Variants in EPB41L3 observed in about 807,000 individuals in gnomAD.
The protein encoded by EPB41L3 is band 4.1-like protein 3.
A neutral mutation model predicts 127.1 loss-of-function variants in EPB41L3; 57 were observed. The ratio of observed to expected loss-of-function variants is 0.45; its 90% CI spans 0.36 to 0.56. The LOEUF is 0.56. EPB41L3 is among the 20% of genes least tolerant of loss of function. The pLI is 0.00. For missense variants in EPB41L3, 1,273 were observed against 1,372.2 expected, an observed-to-expected ratio of 0.93 and a Z score of 1.14; for synonymous variants, 572 against 549.5, an observed-to-expected ratio of 1.04 and a Z score of -0.57.
At chr18:5,523,092 T>G (rs149614580) in intron 1 of EPB41L3, among the ~76,000 whole-genome samples, 449 of 152,140 alleles carry the variant, frequency 3.0e-3, no homozygotes, top group African/African-American at 0.01. Flanking sequence ...AATGACTAAT[T>G]CCCATTAAAA....
intron 1 of EPB41L3, among the ~76,000 whole-genome samples, chr18:5,625,255 G>A (rs973865133): frequency 1.3e-5 from 2 of 152,088 alleles, no homozygotes; most frequent in African/African-American, 4.8e-5. Flanking sequence ...GAATGAGAGT[G>A]AGCTGGGATA....
chr18:5,610,373 A>G, intron 3 of EPB41L3: 9 of 868,440 alleles, frequency 1.0e-5, no homozygotes, highest in Non-Finnish European at 1.2e-5. Flanking sequence ...AGTTAAGGAG[A>G]AAGTTTCTGT....
chr18:5,497,009 C>T (rs1191828448), intron 1 of EPB41L3, among the ~76,000 whole-genome samples: 1 of 152,172 alleles, frequency 6.6e-6, no homozygotes. Flanking sequence ...GGGAAGGCTT[C>T]TCCAAGAAGG....
At chr18:5,625,859 T>C (rs1245388475) in intron 1 of EPB41L3, among the ~76,000 whole-genome samples, 3 of 152,194 alleles carry the variant, frequency 2.0e-5, no homozygotes, top group Non-Finnish European at 2.9e-5. Context: ...CAAGTTCTTA[T>C]TCACCCTTGT....
chr18:5,495,401 A>G (rs945649176), intron 1 of EPB41L3, among the ~76,000 whole-genome samples: 3 of 113,828 alleles, frequency 2.6e-5, no homozygotes, highest in African/African-American at 1.6e-4. Flanking sequence ...TGGAAACTTA[A>G]AAAAAAAAAA....
intron 3 of EPB41L3, chr18:5,466,512 C>G (rs2085019047): frequency 6.6e-6 from 1 of 152,268 alleles, no homozygotes; most frequent in African/African-American, 2.4e-5. Flanking sequence ...TTCCCTGAAC[C>G]TACTTCCACA....
intron 10 of EPB41L3, 108 bp from the exon 11 acceptor site, chr18:5,423,661 A>G: frequency 1.0e-6 from 1 of 969,798 alleles, no homozygotes; most frequent in Middle Eastern, 2.8e-4. Context: ...CTAAACATTT[A>G]ACGCACAACT....
At chr18:5,607,438 C>G (rs2143944431) in intron 3 of EPB41L3, among the ~76,000 whole-genome samples, 1 of 152,252 alleles carries the variant, frequency 6.6e-6, no homozygotes, top group Admixed American at 6.5e-5. Flanking sequence ...GACGAGCTGA[C>G]CAAGATAATT....
chr18:5,459,568 T>C (rs993192354), intron 3 of EPB41L3, among the ~76,000 whole-genome samples: 7 of 152,206 alleles, frequency 4.6e-5, no homozygotes, highest in African/African-American at 1.7e-4. Flanking sequence ...TATTTTTAAA[T>C]CTTTCATTAA....
chr18:5,566,410 C>T (rs1265022222), intron 3 of EPB41L3, among the ~76,000 whole-genome samples: 20 of 152,058 alleles, frequency 1.3e-4, no homozygotes, highest in Non-Finnish European at 2.4e-4. Flanking sequence ...ACAAGGGACG[C>T]GAAGGACCTC....
At chr18:5,629,378 T>C (rs114773424), upstream of EPB41L3, among the ~76,000 whole-genome samples, 1,694 of 151,138 alleles carry the variant, frequency 0.011, 28 homozygotes, top group African/African-American at 0.039. Context: ...CCTGCGCCTC[T>C]GCCTCCCGGA....
chr18:5,457,802 G>A (rs182747777), intron 3 of EPB41L3, among the ~76,000 whole-genome samples: 8 of 152,062 alleles, frequency 5.3e-5, no homozygotes, highest in South Asian at 2.1e-4. Flanking sequence ...CTACCCGTTC[G>A]TCCTTCTCTC....
chr18:5,620,628 A>C (rs778881404), intron 1 of EPB41L3, among the ~76,000 whole-genome samples: 1 of 152,142 alleles, frequency 6.6e-6, no homozygotes, highest in African/African-American at 2.4e-5. Context: ...ATTCCCCAGG[A>C]CTCATACATT....
intron 1 of EPB41L3, among the ~76,000 whole-genome samples, chr18:5,513,551 G>A (rs2092631173): frequency 6.6e-6 from 1 of 152,158 alleles, no homozygotes; most frequent in Admixed American, 6.5e-5. Context: ...GTAAAACCTA[G>A]AGGGTAAGAG....
intron 11 of EPB41L3, chr18:5,420,186 T>A: frequency 2.3e-6 from 1 of 441,266 alleles, no homozygotes; most frequent in Non-Finnish European, 4.1e-6. Context: ...CTGCTGAGGA[T>A]GTGTGTAAGT....
At chr18:5,583,058 G>A (rs2094409268) in intron 3 of EPB41L3, among the ~76,000 whole-genome samples, 1 of 152,210 alleles carries the variant, frequency 6.6e-6, no homozygotes, top group South Asian at 2.1e-4. Context: ...ACGTTGGAAA[G>A]ATTCTGGAAT....
chr18:5,445,693 G>A (rs961691005), intron 3 of EPB41L3, among the ~76,000 whole-genome samples: 1 of 152,192 alleles, frequency 6.6e-6, no homozygotes, highest in East Asian at 1.9e-4. Flanking sequence ...GGCCATGGAC[G>A]GTTACTGGTC....
intron 3 of EPB41L3, among the ~76,000 whole-genome samples, chr18:5,560,457 T>A (rs1406602300): frequency 6.6e-6 from 1 of 152,204 alleles, no homozygotes; most frequent in East Asian, 1.9e-4. Context: ...AGAGCAACTT[T>A]TTAATTTTAA....
At chr18:5,512,273 C>T (rs956783212) in intron 1 of EPB41L3, among the ~76,000 whole-genome samples, 1 of 152,204 alleles carries the variant, frequency 6.6e-6, no homozygotes, top group Non-Finnish European at 1.5e-5. Context: ...CTGGATGCTA[C>T]AGGACATAGA....
Sources: allele counts gnomAD v4.1 joint callset (sites outside exome capture counted in the v4.1 genomes callset), GRCh38; gene constraint gnomAD v4.1.1; transcripts MANE v1.5; gene names NCBI Gene and HGNC (gene_info 2026-07-23, HGNC 2026-07-21).